The following ACTL6A variants were observed in gnomAD, a reference collection of about 807,000 sequenced individuals.
ACTL6A encodes actin like 6A, also known as actin-like protein 6A.
A neutral mutation model predicts 59.2 loss-of-function variants in ACTL6A; 5 were observed. The observed-to-expected ratio is 0.08, with a 90% confidence interval of 0.04 to 0.18. The LOEUF (loss-of-function observed/expected upper bound fraction) is 0.18. Ranked by LOEUF, ACTL6A falls within the 10% of genes least tolerant of loss-of-function variation. ACTL6A has a pLI of 1.00. For synonymous variants in ACTL6A, 154 were observed against 171.8 expected, an observed-to-expected ratio of 0.90 and a Z score of 0.81; for missense variants, 285 against 526.9, an observed-to-expected ratio of 0.54 and a Z score of 4.49.
In ACTL6A at chr3:179,583,339, T is replaced by C; in HGVS notation, c.1027-14T>C. 1 of 1,591,162 alleles carries C rather than the reference T, an allele frequency of 6.3e-7. No homozygotes were observed. Among genetic ancestry groups the C allele is most frequent in the Non-Finnish European group, 8.6e-7 (1 of 1,163,344 alleles). On this transcript the variant is annotated splice_polypyrimidine_tract_variant and intron_variant, in intron 11 of 13. Coordinates refer to ENST00000429709, the MANE Select transcript of ACTL6A (RefSeq NM_004301.5). ...ATATGGAACTAATTGATTTTTCTTGTATTTTTATCCTAGGGTCTCTATGGC... is the reference window on the plus strand; with the variant it reads ...ATATGGAACTAATTGATTTTTCTTGCATTTTTATCCTAGGGTCTCTATGGC...
At chr3:179,577,674 C>G (rs1046722656) in intron 8 of ACTL6A, among the ~76,000 whole-genome samples, 1 of 152,136 alleles carries the variant, frequency 6.6e-6, no homozygotes, top group African/African-American at 2.4e-5. Flanking sequence ...TTGTTCCCTT[C>G]TTTGTGTCCA....
At chr3:179,583,271 G>A (rs1576858391) in intron 11 of ACTL6A, 82 bp from the exon 12 acceptor site, 2 of 1,075,586 alleles carry the variant, frequency 1.9e-6, no homozygotes, top group East Asian at 2.4e-5. Flanking sequence ...TTGTAGTAGA[G>A]CACATGGTTA....
chr3:179,566,784 G>T (rs530311492), intron 1 of ACTL6A, among the ~76,000 whole-genome samples: 3 of 152,230 alleles, frequency 2.0e-5, no homozygotes, highest in Middle Eastern at 3.4e-3. Flanking sequence ...CCGCCTGCCG[G>T]GTTCAAGCAA....
At chr3:179,568,337 G>A (rs1717901151) in intron 1 of ACTL6A, among the ~76,000 whole-genome samples, 1 of 151,998 alleles carries the variant, frequency 6.6e-6, no homozygotes, top group Admixed American at 6.6e-5. Flanking sequence ...TCACCTGTAA[G>A]TTTGTATGTA....
At chr3:179,567,510 TA>T (rs1289156323) in intron 1 of ACTL6A, among the ~76,000 whole-genome samples, 1 of 152,224 alleles carries the variant, frequency 6.6e-6, no homozygotes, top group Non-Finnish European at 1.5e-5. Context: ...TAAGGGTCCA[TA>T]ACACAGAACA....
intron 1 of ACTL6A, among the ~76,000 whole-genome samples, chr3:179,565,586 A>G (rs921676105): frequency 1.3e-5 from 2 of 151,918 alleles, no homozygotes; most frequent in Non-Finnish European, 2.9e-5. Context: ...ACTTTACAAT[A>G]GAGGTAATGG....
intron 11 of ACTL6A, among the ~76,000 whole-genome samples, chr3:179,583,028 C>T (rs999866832): frequency 2.6e-5 from 4 of 152,102 alleles, no homozygotes; most frequent in African/African-American, 9.7e-5. Flanking sequence ...GTACGCTATG[C>T]CTGTGCCCGT....
rs1440973355 is a variant in ACTL6A, at chr3:179,588,064, T to C, written c.*54T>C. The C allele has an allele frequency of 2.3e-6, 3 of 1,325,638 alleles. No individual in the cohort carries two copies. Among genetic ancestry groups the C allele is most frequent in the South Asian group, 1.4e-5 (1 of 73,378 alleles). 82.1% of individuals were successfully genotyped at this position (1,325,638 alleles called of 1,614,324 possible). A position where few individuals can be genotyped will look rare whatever the true frequency, so the allele number is the denominator to read the frequency against. On this transcript the variant is annotated 3_prime_UTR_variant, in exon 14 of 14. Coordinates refer to ENST00000429709, the MANE Select transcript of ACTL6A (RefSeq NM_004301.5). Reference sequence around the variant, plus strand: ...TTTGTCACCTTACGTTTCATAGCTTTAGTATACTCAGGAAAAGAATGACCA... The same window carrying C: ...TTTGTCACCTTACGTTTCATAGCTTCAGTATACTCAGGAAAAGAATGACCA...
At chr3:179,578,001 C>A (rs1350255895) in intron 8 of ACTL6A, among the ~76,000 whole-genome samples, 1 of 152,144 alleles carries the variant, frequency 6.6e-6, no homozygotes, top group Non-Finnish European at 1.5e-5. Context: ...TGGGTATATA[C>A]CCAGTAATGA....
intron 4 of ACTL6A, among the ~76,000 whole-genome samples, 174 bp from the exon 5 acceptor site, chr3:179,574,196 A>G (rs1383131405): frequency 1.3e-5 from 2 of 152,138 alleles, no homozygotes; most frequent in African/African-American, 4.8e-5. Flanking sequence ...AAAGAAATAA[A>G]TATTATAGAG....
At chr3:179,568,719 A>G (rs1416733960) in intron 1 of ACTL6A, among the ~76,000 whole-genome samples, 2 of 152,084 alleles carry the variant, frequency 1.3e-5, no homozygotes, top group African/African-American at 2.4e-5. Context: ...TTGCTTATCT[A>G]TTTCCCTGCT....
intron 3 of ACTL6A, among the ~76,000 whole-genome samples, chr3:179,572,349 G>A (rs1718032568): frequency 2.0e-5 from 3 of 151,942 alleles, no homozygotes; most frequent in Admixed American, 1.3e-4. Context: ...TAAGAAAGAA[G>A]TTAAAAAAAT....
intron 1 of ACTL6A, among the ~76,000 whole-genome samples, chr3:179,566,000 G>A (rs1365524847): frequency 6.6e-6 from 1 of 152,192 alleles, no homozygotes; most frequent in Non-Finnish European, 1.5e-5. Context: ...TATTAAAAAG[G>A]AGGGGATTTG....
chr3:179,580,192 TGTTA>T (rs145726376), intron 8 of ACTL6A, among the ~76,000 whole-genome samples: 65 of 152,362 alleles, frequency 4.3e-4, no homozygotes, highest in African/African-American at 1.3e-3. Flanking sequence ...CTAGAGGTCG[TGTTA>T]GTTCACAACA....
intron 5 of ACTL6A, 63 bp downstream of exon 5, chr3:179,574,530 C>T (rs1285135213): frequency 8.5e-7 from 1 of 1,181,976 alleles, no homozygotes; most frequent in East Asian, 2.4e-5. Context: ...AATATGATAA[C>T]TCTGGGAGAA....
At chr3:179,579,350 T>TGTATC (rs1448297965) in intron 8 of ACTL6A, among the ~76,000 whole-genome samples, 1 of 152,148 alleles carries the variant, frequency 6.6e-6, no homozygotes, top group African/African-American at 2.4e-5. Context: ...GAAATTAATG[T>TGTATC]GTATCCAGCA....
At chr3:179,584,820 CT>C (rs1334659328) in intron 12 of ACTL6A, among the ~76,000 whole-genome samples, 1 of 151,864 alleles carries the variant, frequency 6.6e-6, no homozygotes, top group Non-Finnish European at 1.5e-5. Context: ...ACTTCAAGTG[CT>C]TTTTTTGTAA....
At chr3:179,576,505 TAGTTC>T (rs1402791068) in intron 6 of ACTL6A, 110 bp from the exon 7 acceptor site, 4 of 865,602 alleles carry the variant, frequency 4.6e-6, no homozygotes, top group African/African-American at 3.4e-5. Flanking sequence ...TGTTGAAGGA[TAGTTC>T]AGTTCATTCT....
intron 1 of ACTL6A, among the ~76,000 whole-genome samples, chr3:179,565,049 T>G (rs920280050): frequency 6.6e-6 from 1 of 152,114 alleles, no homozygotes; most frequent in African/African-American, 2.4e-5. Context: ...TGCCATATTA[T>G]TTTGTTAGTG....
Sources: allele counts gnomAD v4.1 joint callset (sites outside exome capture counted in the v4.1 genomes callset), GRCh38; gene constraint gnomAD v4.1.1; transcripts MANE v1.5; gene names NCBI Gene and HGNC (gene_info 2026-07-23, HGNC 2026-07-21).